The following EPB41L4A variants were observed in gnomAD, a reference collection of about 807,000 sequenced individuals.
EPB41L4A encodes the protein band 4.1-like protein 4A.
EPB41L4A carries 100 observed loss-of-function variants against 108.6 expected under a neutral mutation model. That is an observed-to-expected ratio of 0.92 (90% CI 0.78 to 1.09). The LOEUF is 1.09. EPB41L4A is among the 50% of genes least tolerant of loss of function. EPB41L4A has a pLI of 0.00. For missense variants in EPB41L4A, 1,030 were observed against 842.7 expected (o/e 1.22, Z -2.75); for synonymous variants, 319 against 289.0 (o/e 1.10, Z -1.05).
At chr5:112,339,474 CTATATATA>C (rs56972746) in intron 1 of EPB41L4A, among the ~76,000 whole-genome samples, 3,684 of 115,626 alleles carry the variant, frequency 0.032, 200 homozygotes, top group African/African-American at 0.13. Flanking sequence ...ATATATATAT[CTATATATA>C]TATATATATA....
At chr5:112,276,947 G>A (rs761391072) in intron 3 of EPB41L4A, among the ~76,000 whole-genome samples, 20 of 152,078 alleles carry the variant, frequency 1.3e-4, no homozygotes, top group Non-Finnish European at 1.5e-5. Flanking sequence ...AAAAGAAACT[G>A]CTAGAATTTC....
chr5:112,283,252 A>G (rs1753076765), intron 2 of EPB41L4A, among the ~76,000 whole-genome samples: 1 of 152,206 alleles, frequency 6.6e-6, no homozygotes, highest in African/African-American at 2.4e-5. Context: ...CCGGCCACAC[A>G]CAAATCTCAT....
chr5:112,181,745 G>A (rs1561455152), intron 18 of EPB41L4A, among the ~76,000 whole-genome samples: 1 of 152,150 alleles, frequency 6.6e-6, no homozygotes, highest in South Asian at 2.1e-4. Flanking sequence ...ACATTTATAT[G>A]AAGTTCGACA....
chr5:112,266,794 C>T (rs1751894879), intron 4 of EPB41L4A, among the ~76,000 whole-genome samples: 1 of 152,226 alleles, frequency 6.6e-6, no homozygotes, highest in African/African-American at 2.4e-5. Context: ...ACATAACACT[C>T]TGCCTATTAT....
At position 112,395,710 on chromosome 5, in the gene EPB41L4A, T is replaced by C. The variant is rs573358446; in HGVS notation, c.99+23231A>G. On this transcript the variant is annotated intron_variant, in intron 1 of 22. Coordinates refer to ENST00000261486, the MANE Select transcript of EPB41L4A (RefSeq NM_022140.5). ...GGCAATTCCTCAAGGAATCTAGAAC[T>C]AGAAATACCATTTGACCCAGTGATC... Among the ~76,000 whole-genome samples, 25 of 152,266 alleles carry C rather than the reference T, an allele frequency of 1.6e-4. No individual in the cohort carries two copies. The Middle Eastern group carries it at 0.01, about 62-fold the overall frequency.
chr5:112,411,933 G>T (rs897113001), intron 1 of EPB41L4A, among the ~76,000 whole-genome samples: 1 of 152,190 alleles, frequency 6.6e-6, no homozygotes, highest in African/African-American at 2.4e-5. Context: ...GTCTCTCTGG[G>T]CTAGCTCAGC....
At chr5:112,217,805 C>A (rs1219730343) in intron 12 of EPB41L4A, among the ~76,000 whole-genome samples, 1 of 152,064 alleles carries the variant, frequency 6.6e-6, no homozygotes, top group Non-Finnish European at 1.5e-5. Context: ...TTTGCTACTG[C>A]AAGATCAAAG....
chr5:112,262,141 C>T (rs1184542258), intron 7 of EPB41L4A, among the ~76,000 whole-genome samples: 1 of 152,158 alleles, frequency 6.6e-6, no homozygotes, highest in Non-Finnish European at 1.5e-5. Flanking sequence ...ATCCACCCAC[C>T]TCTGCCTCCC....
At chr5:112,247,260 G>A (rs1750309221) in intron 9 of EPB41L4A, among the ~76,000 whole-genome samples, 1 of 152,140 alleles carries the variant, frequency 6.6e-6, no homozygotes, top group Admixed American at 6.5e-5. Context: ...GTTAAGGGGT[G>A]GGTGTTTTTA....
chr5:112,319,641 T>C (rs1004270453), intron 1 of EPB41L4A, among the ~76,000 whole-genome samples: 1 of 152,222 alleles, frequency 6.6e-6, no homozygotes, highest in Non-Finnish European at 1.5e-5. Context: ...AGGGACATTG[T>C]GCAAAATACC....
At chr5:112,287,540 A>G (rs1753369285) in intron 2 of EPB41L4A, among the ~76,000 whole-genome samples, 2 of 152,228 alleles carry the variant, frequency 1.3e-5, no homozygotes, top group African/African-American at 4.8e-5. Flanking sequence ...TCATTTCAAC[A>G]CGGATCAAAT....
At chr5:112,193,308 T>C (rs998054608) in intron 17 of EPB41L4A, among the ~76,000 whole-genome samples, 7 of 152,302 alleles carry the variant, frequency 4.6e-5, no homozygotes, top group South Asian at 4.1e-4. Flanking sequence ...TTCTTTCTTT[T>C]TTTTTCTATA....
Position 112,314,531 on chromosome 5 carries a change from AAAAAAAAG to A in EPB41L4A, c.100-7049_100-7042del, listed in dbSNP as rs1178279658. 1.8e-3 allele frequency among the ~76,000 whole-genome samples: 254 copies of A among 143,238 alleles called. 2 individuals are homozygous for A. Among genetic ancestry groups the A allele is most frequent in the African/African-American group, 6.2e-3 (242 of 38,818 alleles). The allele number at this position is 143,238 out of a possible 152,430, so 94.0% of individuals were successfully genotyped here. The stretch of plus-strand genomic sequence containing the variant: ...AAAAAAAAAAAAAAAAAAAAAAAAA[AAAAAAAAG>A]AAAAGAAATTAGCCAAGCATGATGG... On this transcript the variant is annotated intron_variant, in intron 1 of 22. Transcript: ENST00000261486.
intron 4 of EPB41L4A, among the ~76,000 whole-genome samples, chr5:112,274,215 G>T (rs749166411): frequency 2.6e-5 from 4 of 152,084 alleles, no homozygotes; most frequent in Non-Finnish European, 5.9e-5. Flanking sequence ...AGGAGTTTGA[G>T]GTCACAGTGA....
chr5:112,212,975 C>G (rs534656693), intron 12 of EPB41L4A, among the ~76,000 whole-genome samples: 1 of 152,094 alleles, frequency 6.6e-6, no homozygotes, highest in Non-Finnish European at 1.5e-5. Context: ...CAGAGAAAAA[C>G]AGAATATTTT....
Position 112,403,976 on chromosome 5 carries a change from G to A in EPB41L4A, c.99+14965C>T, listed in dbSNP as rs537331214. ...CAAAAAAGGAGGAAGAAGAAAAAAAGAGAGAAAGCTGGTTGTTGTTTTCAA... is the reference window on the plus strand; with the variant it reads ...CAAAAAAGGAGGAAGAAGAAAAAAAAAGAGAAAGCTGGTTGTTGTTTTCAA... On this transcript the variant is annotated intron_variant, in intron 1 of 22. Coordinates refer to ENST00000261486, the MANE Select transcript of EPB41L4A (RefSeq NM_022140.5). Among the ~76,000 whole-genome samples, 9 of 152,336 alleles carry A rather than the reference G, an allele frequency of 5.9e-5. No individual in the cohort carries two copies. The East Asian group carries it at 1.5e-3, about 26-fold the overall frequency.
At chr5:112,314,929 G>A (rs1002960624) in intron 1 of EPB41L4A, among the ~76,000 whole-genome samples, 1 of 152,150 alleles carries the variant, frequency 6.6e-6, no homozygotes, top group Non-Finnish European at 1.5e-5. Context: ...ACATGCCCAA[G>A]GACTTTCTGA....
rs1759794498 is a variant in EPB41L4A at position 112,375,975 on chromosome 5, C to T, written c.99+42966G>A. 2.6e-5 allele frequency among the ~76,000 whole-genome samples: 4 copies of T among 152,096 alleles called. No homozygotes were observed. The South Asian group carries it at 8.3e-4, about 32-fold the overall frequency. On this transcript the variant is annotated intron_variant, in intron 1 of 22. Transcript: ENST00000261486. ...GAAAAAGAGGCAAGATAACTGTCCC[C>T]AGGGGTTGGCTTTAATAATACCGAA...
chr5:112,392,066 T>A (rs1187979762), intron 1 of EPB41L4A, among the ~76,000 whole-genome samples: 2 of 152,122 alleles, frequency 1.3e-5, no homozygotes, highest in Non-Finnish European at 2.9e-5. Context: ...CAAGAGCTCC[T>A]GAAGGAAGCA....
Sources: allele counts gnomAD v4.1 joint callset (sites outside exome capture counted in the v4.1 genomes callset), GRCh38; gene constraint gnomAD v4.1.1; transcripts MANE v1.5; gene names NCBI Gene and HGNC (gene_info 2026-07-23, HGNC 2026-07-21).